The following LRRC8D variants were observed in gnomAD, a reference collection of about 807,000 sequenced individuals.
LRRC8D encodes the protein volume-regulated anion channel subunit LRRC8D.
Under a neutral mutation model 55.8 loss-of-function variants are expected in LRRC8D, and 20 were observed. The observed-to-expected ratio is 0.36, with a 90% CI of 0.25 to 0.52. The LOEUF is 0.52. LRRC8D is among the 20% of genes least tolerant of loss of function. The pLI, the probability that LRRC8D is intolerant of heterozygous loss-of-function variation, is 0.93. For missense variants in LRRC8D, 651 were observed against 1,030.8 expected (o/e 0.63, Z 5.05); for synonymous variants, 352 against 377.0 (o/e 0.93, Z 0.77).
intron 2 of LRRC8D, among the ~76,000 whole-genome samples, chr1:89,926,489 C>G (rs1230711487): frequency 1.3e-5 from 2 of 152,208 alleles, no homozygotes; most frequent in Admixed American, 6.5e-5. Context: ...GTGGTGATTA[C>G]ATAATGTCAT....
intron 2 of LRRC8D, 22 bp downstream of exon 2, chr1:89,843,804 TC>T: frequency 1.5e-6 from 1 of 648,372 alleles, no homozygotes; most frequent in Non-Finnish European, 2.8e-6. Flanking sequence ...CGGGTCTGGG[TC>T]CAGGGAGCGG....
chr1:89,859,477 TCAGGTATAGCTGTGAAAATAGAA>T (rs1661645856), intron 2 of LRRC8D, among the ~76,000 whole-genome samples: 1 of 152,220 alleles, frequency 6.6e-6, no homozygotes, highest in Non-Finnish European at 1.5e-5. Flanking sequence ...CCTCTGTTCC[TCAGGTATAGCTGTGAAAATAGAA>T]ATGGTTCGGG....
chr1:89,824,712 A>G (rs894664748), intron 1 of LRRC8D, among the ~76,000 whole-genome samples: 1 of 152,134 alleles, frequency 6.6e-6, no homozygotes, highest in African/African-American at 2.4e-5. Flanking sequence ...ACTAGTCCCA[A>G]TTCTTTTCAC....
intron 1 of LRRC8D, 35 bp from the exon 2 acceptor site, chr1:89,843,603 C>CAGG: frequency 1.4e-6 from 1 of 700,456 alleles, no homozygotes. Flanking sequence ...ACTTGGATCT[C>CAGG]TCTAGCTCTT....
chr1:89,831,329 A>G (rs1259916321), intron 1 of LRRC8D, among the ~76,000 whole-genome samples: 1 of 152,224 alleles, frequency 6.6e-6, no homozygotes, highest in African/African-American at 2.4e-5. Flanking sequence ...CTTTAATGAT[A>G]ACAATTTCTG....
intron 2 of LRRC8D, among the ~76,000 whole-genome samples, chr1:89,879,162 C>T (rs1662219430): frequency 1.3e-5 from 2 of 152,180 alleles, no homozygotes; most frequent in African/African-American, 2.4e-5. Context: ...CAGCCGTTGA[C>T]ACCCATTTGT....
chr1:89,933,413 T>C lies in LRRC8D; in HGVS notation c.345T>C (p.Tyr115=), dbSNP rs1186694086. ...VTPDIPLRAT[Y]PRTDFALPNQ... ...CTGACATACCTCTCAGAGCCACATA[T>C]CCTCGCACAGATTTCGCACTTCCAA... Residue 115 remains tyrosine, a synonymous_variant, in exon 3 of 3, where the codon TAT becomes TAC. Coordinates refer to ENST00000337338, the MANE Select transcript of LRRC8D (RefSeq NM_001134479.2). The surrounding 1 kb of genome is among the most constrained non-coding windows in gnomAD (Gnocchi z 7.0). 1 of 1,613,960 alleles carries C rather than the reference T, an allele frequency of 6.2e-7. No individual in the cohort carries two copies. The highest frequency in any genetic ancestry group is 8.5e-7 in the Non-Finnish European group (1 of 1,180,034).
intron 2 of LRRC8D, among the ~76,000 whole-genome samples, chr1:89,912,668 A>G (rs543998209): frequency 2.6e-5 from 4 of 152,290 alleles, no homozygotes; most frequent in African/African-American, 9.6e-5. Flanking sequence ...TGTTACAGTT[A>G]TCATTCTATC....
At chr1:89,844,103 C>T (rs951647790) in intron 2 of LRRC8D, among the ~76,000 whole-genome samples, 1 of 152,222 alleles carries the variant, frequency 6.6e-6, no homozygotes, top group Non-Finnish European at 1.5e-5. Context: ...CCCTCTCCAC[C>T]CTCTCCTCCA....
intron 2 of LRRC8D, among the ~76,000 whole-genome samples, chr1:89,932,682 T>G (rs1185627981): frequency 6.6e-6 from 1 of 152,184 alleles, no homozygotes; most frequent in African/African-American, 2.4e-5. Context: ...ACACAGACCT[T>G]TCAATTTTGG....
intron 2 of LRRC8D, among the ~76,000 whole-genome samples, chr1:89,885,024 C>T (rs1662383302): frequency 6.6e-6 from 1 of 152,158 alleles, no homozygotes; most frequent in African/African-American, 2.4e-5. Context: ...TCCCATCTCC[C>T]CACAACCACA....
chr1:89,860,809 T>TATATATATATATACAC (rs970678615), intron 2 of LRRC8D, among the ~76,000 whole-genome samples: 3 of 105,558 alleles, frequency 2.8e-5, no homozygotes, highest in African/African-American at 1.1e-4. Flanking sequence ...TATATATATA[T>TATATATATATATACAC]ACACACACAG....
chr1:89,832,848 A>G (rs1241881703), intron 1 of LRRC8D, among the ~76,000 whole-genome samples: 1 of 152,272 alleles, frequency 6.6e-6, no homozygotes, highest in Non-Finnish European at 1.5e-5. Flanking sequence ...GAATCTGGAA[A>G]TAAGACTAGG....
At chr1:89,898,984 G>C (rs1662781139) in intron 2 of LRRC8D, among the ~76,000 whole-genome samples, 1 of 152,162 alleles carries the variant, frequency 6.6e-6, no homozygotes, top group African/African-American at 2.4e-5. Context: ...GTAAAGGAAA[G>C]GAAAGTTCCA....
intron 2 of LRRC8D, among the ~76,000 whole-genome samples, chr1:89,898,424 C>T (rs184788456): frequency 4.5e-4 from 68 of 152,276 alleles, no homozygotes; most frequent in African/African-American, 1.4e-3. Flanking sequence ...GCAAATTCTA[C>T]GAAGGAAATA....
At chr1:89,923,092 A>G (rs1389812854) in intron 2 of LRRC8D, among the ~76,000 whole-genome samples, 3 of 152,214 alleles carry the variant, frequency 2.0e-5, no homozygotes, top group Admixed American at 2.0e-4. Flanking sequence ...TTGTTCAACC[A>G]AAGTCCAATA....
chr1:89,909,450 T>C (rs1000966374), intron 2 of LRRC8D, among the ~76,000 whole-genome samples: 2 of 152,142 alleles, frequency 1.3e-5, no homozygotes, highest in East Asian at 1.9e-4. Flanking sequence ...GGTAGAAATA[T>C]ATTTTACCAG....
chr1:89,821,828 G>GCCCGCGC (rs1054410432), intron 1 of LRRC8D: 1 of 151,944 alleles, frequency 6.6e-6, no homozygotes, highest in African/African-American at 2.4e-5. Context: ...GGAGGTGAAG[G>GCCCGCGC]CCCGCGCCCC....
At chr1:89,864,002 T>G (rs956881413) in intron 2 of LRRC8D, among the ~76,000 whole-genome samples, 4 of 152,204 alleles carry the variant, frequency 2.6e-5, no homozygotes, top group African/African-American at 4.8e-5. Flanking sequence ...TGTTATGGCA[T>G]AAAGTGCAGA....
Sources: allele counts gnomAD v4.1 joint callset (sites outside exome capture counted in the v4.1 genomes callset), GRCh38; gene constraint gnomAD v4.1.1; non-coding constraint Gnocchi (gnomAD v3.1); transcripts MANE v1.5; gene names NCBI Gene and HGNC (gene_info 2026-07-23, HGNC 2026-07-21).